Variants in ZFHX3 observed in about 807,000 individuals in gnomAD.
ZFHX3 encodes zinc finger homeobox protein 3.
In ZFHX3, 42 loss-of-function variants were observed where a neutral mutation model predicts 279.1. The observed-to-expected ratio is 0.15, with a 90% confidence interval of 0.12 to 0.19. ZFHX3 has a LOEUF of 0.19. ZFHX3 is among the 10% of genes least tolerant of loss of function. The probability of loss-of-function intolerance (pLI) is 1.00; values close to 1 mark genes in which losing one functional copy is unlikely to be tolerated. For synonymous variants in ZFHX3, 2,293 were observed against 1,957.8 expected, an observed-to-expected ratio of 1.17 and a Z score of -4.52; for missense variants, 4,981 against 4,754.0, an observed-to-expected ratio of 1.05 and a Z score of -1.40.
At chr16:72,907,545 TTGTGTGTG>T (rs547618913) in intron 3 of ZFHX3, among the ~76,000 whole-genome samples, 14,177 of 120,338 alleles carry the variant, frequency 0.12, 943 homozygotes, top group Non-Finnish European at 0.12. Flanking sequence ...TTTCCTCTAT[TTGTGTGTG>T]TGTGTGTGTG....
chr16:73,339,977 G>A (rs2015999951), intron 3 of ZFHX3, among the ~76,000 whole-genome samples: 3 of 152,220 alleles, frequency 2.0e-5, no homozygotes, highest in Admixed American at 6.5e-5. Flanking sequence ...CAATGAGAGA[G>A]TCACCTTTGG....
chr16:73,223,036 A>G (rs1422000311), intron 5 of ZFHX3, among the ~76,000 whole-genome samples: 1 of 152,130 alleles, frequency 6.6e-6, no homozygotes. Context: ...GAATCTAGGC[A>G]TAAACCTCCT....
chr16:73,309,430 T>C (rs1475895147), intron 4 of ZFHX3, among the ~76,000 whole-genome samples: 1 of 152,192 alleles, frequency 6.6e-6, no homozygotes, highest in Admixed American at 6.5e-5. Context: ...TATGGCTGTG[T>C]TGTATCCCAT....
chr16:73,154,856 G>A (rs2144849643), intron 5 of ZFHX3, among the ~76,000 whole-genome samples: 1 of 152,100 alleles, frequency 6.6e-6, no homozygotes, highest in East Asian at 1.9e-4. Context: ...AGCATAAATT[G>A]GATTCCAGCA....
chr16:73,820,126 G>A (rs1186351522), intron 1 of ZFHX3, among the ~76,000 whole-genome samples: 2 of 152,010 alleles, frequency 1.3e-5, no homozygotes, highest in African/African-American at 4.8e-5. Flanking sequence ...GTCTTGCTCT[G>A]TCGCCCAGGC....
intron 1 of ZFHX3, among the ~76,000 whole-genome samples, chr16:73,737,319 G>A (rs926759130): frequency 6.6e-6 from 1 of 152,122 alleles, no homozygotes; most frequent in Non-Finnish European, 1.5e-5. Flanking sequence ...TTACAGGCAT[G>A]AGCCACTGCA....
At chr16:73,757,743 A>C (rs2053825261) in intron 1 of ZFHX3, among the ~76,000 whole-genome samples, 1 of 152,202 alleles carries the variant, frequency 6.6e-6, no homozygotes, top group African/African-American at 2.4e-5. Flanking sequence ...TGCAGGAAGC[A>C]GCATTTCACC....
intron 1 of ZFHX3, among the ~76,000 whole-genome samples, chr16:73,712,122 G>C (rs2053368990): frequency 6.6e-6 from 1 of 152,188 alleles, no homozygotes; most frequent in South Asian, 2.1e-4. Context: ...CTGGTCCTGA[G>C]CCTAAGAAAA....
chr16:72,881,445 T>G (rs1404874281), intron 4 of ZFHX3, among the ~76,000 whole-genome samples: 10 of 152,156 alleles, frequency 6.6e-5, no homozygotes, highest in Admixed American at 5.9e-4. Context: ...GGGGGTTCCT[T>G]AACATCTGTG....
intron 2 of ZFHX3, among the ~76,000 whole-genome samples, chr16:73,472,894 A>G (rs1005534305): frequency 4.6e-5 from 7 of 151,864 alleles, no homozygotes; most frequent in Admixed American, 4.6e-4. Flanking sequence ...GAGGGATTTC[A>G]TCATCTCTTG....
intron 1 of ZFHX3, among the ~76,000 whole-genome samples, chr16:73,715,945 CATCTTA>C (rs1331043602): frequency 2.6e-5 from 4 of 152,112 alleles, no homozygotes; most frequent in African/African-American, 9.7e-5. Context: ...ATTTCCTCTA[CATCTTA>C]ATTTTTTAAA....
chr16:73,454,225 A>T lies in ZFHX3; in HGVS notation c.-1291+1778T>A, dbSNP rs540776883. 5.3e-5 allele frequency among the ~76,000 whole-genome samples: 8 copies of T among 152,328 alleles called. No individual in the cohort carries two copies. In the South Asian group the frequency reaches 1.7e-3, roughly 32 times the overall value. On this transcript the variant is annotated intron_variant, in intron 3 of 17. Transcript: ENST00000641206. ...AACAATAGATAAGAGAAACATTCTA[A>T]GAGTCTACAGTATGCACCATGTCTT...
chr16:73,880,668 T>C (rs1468159172), intron 1 of ZFHX3, among the ~76,000 whole-genome samples: 1 of 152,120 alleles, frequency 6.6e-6, no homozygotes, highest in Non-Finnish European at 1.5e-5. Flanking sequence ...TCAAGTCTCA[T>C]CCCAGAAGGT....
intron 3 of ZFHX3, among the ~76,000 whole-genome samples, chr16:73,427,225 T>C (rs973969499): frequency 6.6e-6 from 1 of 152,204 alleles, no homozygotes; most frequent in South Asian, 2.1e-4. Flanking sequence ...AAATGCAATA[T>C]ATTGTCACTT....
intron 2 of ZFHX3, among the ~76,000 whole-genome samples, chr16:73,513,072 C>A (rs1032711144): frequency 6.6e-6 from 1 of 152,142 alleles, no homozygotes; most frequent in African/African-American, 2.4e-5. Context: ...TCACTCAAGG[C>A]AGAGTGGTTA....
Position 73,602,924 on chromosome 16 carries a change from C to A in ZFHX3, c.-1547+77256G>T, listed in dbSNP as rs573740961. On this transcript the variant is annotated intron_variant, in intron 2 of 17. Transcript: ENST00000641206. ...TTGCACTCCAGCCTGGGTGAAACAG[C>A]GAGACTCTGACTCAAAAAAAAAAAA... Among the ~76,000 whole-genome samples the A allele has an allele frequency of 2.4e-5, 3 of 123,434 alleles. No homozygotes were observed. The South Asian group carries it at 9.3e-4, about 38-fold the overall frequency. The allele number at this position is 123,434 out of a possible 152,430, so 81.0% of individuals were successfully genotyped here.
chr16:73,669,117 G>C (rs927071303), intron 2 of ZFHX3, among the ~76,000 whole-genome samples: 3 of 149,736 alleles, frequency 2.0e-5, no homozygotes, highest in Admixed American at 1.3e-4. Context: ...GCAGTGGTGC[G>C]ATCTGGGCTC....
chr16:73,703,334 A>C (rs1206221468), intron 1 of ZFHX3, among the ~76,000 whole-genome samples: 6 of 152,288 alleles, frequency 3.9e-5, no homozygotes, highest in Non-Finnish European at 8.8e-5. Context: ...AGGCAGGGAC[A>C]TCCATGACTA....
chr16:73,739,827 A>C (rs13332962), intron 1 of ZFHX3, among the ~76,000 whole-genome samples: 23,842 of 152,210 alleles, frequency 0.16, 1,931 homozygotes, highest in African/African-American at 0.17. Context: ...CTCCTCCTTA[A>C]GGACATTTAG....
Sources: allele counts gnomAD v4.1 joint callset (sites outside exome capture counted in the v4.1 genomes callset), GRCh38; gene constraint gnomAD v4.1.1; transcripts MANE v1.5; gene names NCBI Gene and HGNC (gene_info 2026-07-23, HGNC 2026-07-21).